The following DST variants were observed in gnomAD, a reference collection of about 807,000 sequenced individuals.
The protein encoded by DST is dystonin.
Under a neutral mutation model 875.2 loss-of-function variants are expected in DST, and 253 were observed. That is an observed-to-expected ratio of 0.29 (90% confidence interval 0.26 to 0.32). The LOEUF (loss-of-function observed/expected upper bound fraction) is 0.32, where lower values mean the gene tolerates loss of function less well. Ranked by LOEUF, DST falls within the 10% of genes least tolerant of loss-of-function variation. The pLI, the probability that DST is intolerant of heterozygous loss-of-function variation, is 1.00. For synonymous variants in DST, 3,124 were observed against 3,197.1 expected (o/e 0.98, Z 0.77); for missense variants, 8,287 against 9,111.6 (o/e 0.91, Z 3.68).
intron 4 of DST, among the ~76,000 whole-genome samples, chr6:56,745,684 A>G (rs1171672579): frequency 6.6e-6 from 1 of 152,230 alleles, no homozygotes; most frequent in Non-Finnish European, 1.5e-5. Context: ...AGAAGAAAAC[A>G]TCTGCTATAT....
In DST at chr6:56,606,935, C is replaced by T. The variant is rs139790050; in HGVS notation, c.7693G>A (p.Gly2565Ser). 1,516 of 1,613,374 alleles carry T rather than the reference C, an allele frequency of 9.4e-4. 18 individuals carry two copies. The highest frequency in any genetic ancestry group is 1.3e-4 in the Non-Finnish European group (151 of 1,179,572). Residue 2565 changes from glycine to serine, a missense_variant, in exon 40 of 104, where the codon GGT (glycine) becomes AGT (serine). Physicochemically the swap from Gly to Ser is moderately conservative, Grantham distance 56 (BLOSUM62 0). Coordinates refer to ENST00000680361, the MANE Select transcript of DST (RefSeq NM_001374736.1). Reference sequence around the variant, plus strand: ...GACACAATGGCATTATCAGTATCACCCCCTGGAGTCACAGCACAGGAATAC... The same window carrying T: ...GACACAATGGCATTATCAGTATCACTCCCTGGAGTCACAGCACAGGAATAC... Reference protein sequence around the residue: ...EEYSCAVTPGGDTDNAIVSLT... With the variant: ...EEYSCAVTPGSDTDNAIVSLT...
At position 56,617,169 on chromosome 6, in the gene DST, G is replaced by A. The variant is rs1586758707; in HGVS notation, c.4930-2685C>T. 6.2e-6 allele frequency: 10 copies of A among 1,601,670 alleles called. No individual in the cohort carries two copies. The highest frequency in any genetic ancestry group is 8.5e-6 in the Non-Finnish European group (10 of 1,171,720). On this transcript the variant is annotated intron_variant, in intron 36 of 103. Transcript: ENST00000680361. ...TCCAGAAGCTTAGCTTCCACCAACTGCCTGGCAGTCACAGTGTGCCTAAGC... is the reference window on the plus strand; with the variant it reads ...TCCAGAAGCTTAGCTTCCACCAACTACCTGGCAGTCACAGTGTGCCTAAGC...
intron 4 of DST, among the ~76,000 whole-genome samples, chr6:56,849,606 A>G (rs1056739801): frequency 2.0e-5 from 3 of 152,188 alleles, no homozygotes; most frequent in Admixed American, 6.5e-5. Flanking sequence ...ACTGCATCCC[A>G]TTAGAACATA....
intron 3 of DST, among the ~76,000 whole-genome samples, chr6:56,879,960 C>T (rs1001124375): frequency 1.3e-5 from 2 of 152,192 alleles, no homozygotes; most frequent in Non-Finnish European, 2.9e-5. Context: ...GGGCCTAGCC[C>T]ATTACTAAAG....
intron 69 of DST, among the ~76,000 whole-genome samples, chr6:56,518,633 G>GTGAC (rs1173859686): frequency 1.3e-5 from 2 of 150,580 alleles, no homozygotes; most frequent in South Asian, 2.1e-4. Context: ...ATTCCTAGAA[G>GTGAC]TGACTATCAA....
At chr6:56,497,795 A>T (rs1387923471) in intron 81 of DST, 61 bp downstream of exon 81, 2 of 1,404,202 alleles carry the variant, frequency 1.4e-6, no homozygotes, top group African/African-American at 1.4e-5. Context: ...TAATAAAAGA[A>T]TTCCATGCTA....
At chr6:56,764,723 C>T (rs771074540) in intron 4 of DST, among the ~76,000 whole-genome samples, 2 of 151,824 alleles carry the variant, frequency 1.3e-5, no homozygotes, top group African/African-American at 2.4e-5. Context: ...TTTGGGAGGC[C>T]GAGGTGGGTG....
chr6:56,708,194 A>G (rs2099348859), intron 5 of DST, among the ~76,000 whole-genome samples: 1 of 152,212 alleles, frequency 6.6e-6, no homozygotes, highest in African/African-American at 2.4e-5. Context: ...TAAACTCTCT[A>G]GGCTTCAGGG....
At chr6:56,517,409 G>A in intron 70 of DST, 92 bp downstream of exon 70, 1 of 1,580,286 alleles carries the variant, frequency 6.3e-7, no homozygotes, top group East Asian at 2.2e-5. Flanking sequence ...ACACTAGAGG[G>A]GTCTTAAAAA....
intron 4 of DST, among the ~76,000 whole-genome samples, chr6:56,779,590 G>C (rs1433866994): frequency 1.3e-5 from 2 of 151,886 alleles, no homozygotes; most frequent in Non-Finnish European, 2.9e-5. Context: ...TCCAGTTTCA[G>C]CTTTCTACAT....
Position 56,611,524 on chromosome 6 carries a change from C to G in DST, c.5131G>C (p.Ala1711Pro), listed in dbSNP as rs781400507. 1 of 1,611,738 alleles carries G rather than the reference C, an allele frequency of 6.2e-7. No homozygotes were observed. The highest frequency in any genetic ancestry group is 2.2e-5 in the East Asian group (1 of 44,776). ...EALQTIQLFL[A>P]KHGDKMTDEE... ...CCAACATACTTGTCTCCATGTTTTGCCAAAAAAAGCTGTATAGTTTGAAGT... is the reference window on the plus strand; with the variant it reads ...CCAACATACTTGTCTCCATGTTTTGGCAAAAAAAGCTGTATAGTTTGAAGT... Residue 1711 changes from alanine (A) to proline (P), a missense_variant, in exon 38 of 104, where the codon GCA becomes CCA. By Grantham distance (27) the Ala-to-Pro change is conservative. Transcript: ENST00000680361.
intron 4 of DST, among the ~76,000 whole-genome samples, chr6:56,794,728 G>A (rs2099736746): frequency 6.6e-6 from 1 of 152,134 alleles, no homozygotes; most frequent in Non-Finnish European, 1.5e-5. Context: ...GCTCTAATCA[G>A]CATGACAAGA....
At chr6:56,547,485 G>GTA (rs2097251128) in intron 61 of DST, among the ~76,000 whole-genome samples, 1 of 152,136 alleles carries the variant, frequency 6.6e-6, no homozygotes, top group African/African-American at 2.4e-5. Context: ...CTTTGCTAAG[G>GTA]TAGCTTCATT....
intron 64 of DST, among the ~76,000 whole-genome samples, chr6:56,530,939 ATG>A (rs2096886565): frequency 6.6e-6 from 1 of 152,182 alleles, no homozygotes. Context: ...ACTTCTTATC[ATG>A]TTTAATTTTC....
intron 2 of DST, among the ~76,000 whole-genome samples, chr6:56,916,776 TCTCACACACACACACACA>T (rs1801249532): frequency 1.4e-5 from 1 of 71,974 alleles, no homozygotes; most frequent in South Asian, 6.4e-4. Flanking sequence ...TCTCTCTCTC[TCTCACACACACACACACA>T]CACACACACA....
intron 10 of DST, among the ~76,000 whole-genome samples, chr6:56,652,055 T>A (rs74940960): frequency 0.13 from 20,325 of 152,182 alleles, 3,114 homozygotes; most frequent in African/African-American, 0.38. Flanking sequence ...TGAATGTCTA[T>A]AATAAGCAAT....
chr6:56,896,142 G>A lies in DST; in HGVS notation c.417+4279C>T, dbSNP rs1278752939. Among the ~76,000 whole-genome samples the A allele has an allele frequency of 2.6e-4, 18 of 69,598 alleles. 2 individuals are homozygous for A. Among genetic ancestry groups the A allele is most frequent in the Non-Finnish European group, 3.7e-4 (14 of 37,588 alleles). 45.7% of individuals were successfully genotyped at this position (69,598 alleles called of 152,430 possible). A position where few individuals can be genotyped will look rare whatever the true frequency, so the allele number is the denominator to read the frequency against. The stretch of plus-strand genomic sequence containing the variant: ...GGAGACGGGAGAGGGAGAGGGAGAC[G>A]GGAGAGCCTACTTTTAGTTCTTTAA... On this transcript the variant is annotated intron_variant, in intron 3 of 103. Transcript: ENST00000680361.
intron 99 of DST, 116 bp from the exon 100 acceptor site, chr6:56,464,872 T>C: frequency 1.4e-6 from 1 of 719,978 alleles, no homozygotes; most frequent in Non-Finnish European, 2.3e-6. Context: ...TTAGCACACA[T>C]TTTAGAAGAA....
At chr6:56,892,264 C>A (rs929594648) in intron 3 of DST, among the ~76,000 whole-genome samples, 2 of 151,682 alleles carry the variant, frequency 1.3e-5, no homozygotes, top group Non-Finnish European at 2.9e-5. Flanking sequence ...CAGTTCTCAG[C>A]ACTTTTGCTT....
Sources: allele counts gnomAD v4.1 joint callset (sites outside exome capture counted in the v4.1 genomes callset), GRCh38; gene constraint gnomAD v4.1.1; transcripts MANE v1.5; gene names NCBI Gene and HGNC (gene_info 2026-07-23, HGNC 2026-07-21).